MCU: variants seen among roughly 807,000 people sequenced by gnomAD.
MCU encodes the protein mitochondrial calcium uniporter.
Under a neutral mutation model 45.2 loss-of-function variants are expected in MCU, and 12 were observed. That is an observed-to-expected ratio of 0.27 (90% CI 0.17 to 0.43). The LOEUF is 0.43. MCU is among the 20% of genes least tolerant of loss of function. The pLI is 1.00. For synonymous variants in MCU, 160 were observed against 165.1 expected (o/e 0.97, Z 0.24); for missense variants, 324 against 436.7 (o/e 0.74, Z 2.30).
At chr10:72,821,957 T>TA (rs1414972827) in intron 1 of MCU, among the ~76,000 whole-genome samples, 9 of 152,166 alleles carry the variant, frequency 5.9e-5, no homozygotes, top group Non-Finnish European at 1.0e-4. Context: ...CTGGAAAATC[T>TA]TCTGGTATTT....
At chr10:72,744,522 C>T (rs1393074423) in intron 1 of MCU, among the ~76,000 whole-genome samples, 8 of 152,224 alleles carry the variant, frequency 5.3e-5, no homozygotes, top group South Asian at 4.1e-4. Flanking sequence ...CCCAGCTACT[C>T]GGGAGGCTGG....
intron 4 of MCU, 88 bp from the exon 5 acceptor site, chr10:72,868,615 T>TA (rs1845494170): frequency 8.4e-7 from 1 of 1,194,976 alleles, no homozygotes; most frequent in Non-Finnish European, 1.2e-6. Context: ...GAGATACCTA[T>TA]AATGGATGAA....
chr10:72,751,563 C>T (rs150220458), intron 1 of MCU, among the ~76,000 whole-genome samples: 1 of 151,532 alleles, frequency 6.6e-6, no homozygotes, highest in Admixed American at 6.6e-5. Context: ...ACCATGTTGG[C>T]CAGGCTGGTC....
chr10:72,873,025 T>G (rs1255141625), intron 6 of MCU, among the ~76,000 whole-genome samples: 1 of 140,206 alleles, frequency 7.1e-6, no homozygotes, highest in Non-Finnish European at 1.5e-5. Context: ...TTTTTTTTTT[T>G]TTTTTTTTTT....
chr10:72,742,397 T>C lies in MCU; in HGVS notation c.150+50096T>C, dbSNP rs572613957. Among the ~76,000 whole-genome samples the C allele has an allele frequency of 2.0e-5, 3 of 152,328 alleles. No homozygotes were observed. The South Asian group carries it at 6.2e-4, about 32-fold the overall frequency. ...CCATCTTTGTCATCATAGGGTTTTT[T>C]CAGACTTGCAATTCTATTTTATTAA... On this transcript the variant is annotated intron_variant, in intron 1 of 7. Coordinates refer to ENST00000373053, the MANE Select transcript of MCU (RefSeq NM_138357.3).
At position 72,886,120 on chromosome 10, in the gene MCU, G is replaced by T. The variant is rs1460843611; in HGVS notation, c.*298G>T. 3.8e-5 allele frequency: 9 copies of T among 237,100 alleles called. No homozygotes were observed. The Admixed American group carries it at 4.4e-4, about 12-fold the overall frequency. 14.7% of individuals were successfully genotyped at this position (237,100 alleles called of 1,614,324 possible). On this transcript the variant is annotated 3_prime_UTR_variant, in exon 8 of 8. Transcript: ENST00000373053. ...TCATAAAGAGAAAACAATGCTGGGG[G>T]TGTTCGTTTCTTGCATCTTCTTTGC...
intron 1 of MCU, among the ~76,000 whole-genome samples, chr10:72,728,302 T>A (rs979206946): frequency 6.6e-6 from 1 of 152,164 alleles, no homozygotes; most frequent in African/African-American, 2.4e-5. Context: ...CTGACTTTTA[T>A]TTTGAGGAGG....
At chr10:72,882,435 T>C (rs1015747327) in intron 6 of MCU, among the ~76,000 whole-genome samples, 2 of 152,198 alleles carry the variant, frequency 1.3e-5, no homozygotes, top group Non-Finnish European at 2.9e-5. Context: ...TGAATTCTTT[T>C]TCTCAGCAAG....
intron 1 of MCU, among the ~76,000 whole-genome samples, chr10:72,711,448 T>C (rs1047045302): frequency 1.3e-5 from 2 of 151,730 alleles, no homozygotes; most frequent in Non-Finnish European, 2.9e-5. Flanking sequence ...CTTGAACTCC[T>C]GACCTCAAGT....
At chr10:72,806,753 GA>G (rs1479236626) in intron 1 of MCU, among the ~76,000 whole-genome samples, 48 of 152,232 alleles carry the variant, frequency 3.2e-4, no homozygotes, top group African/African-American at 1.1e-3. Context: ...AATGGAAAGA[GA>G]GGACCTTTTT....
chr10:72,805,099 TTCTC>T (rs776609775), intron 1 of MCU, among the ~76,000 whole-genome samples: 1 of 57,066 alleles, frequency 1.8e-5, no homozygotes, highest in African/African-American at 6.8e-5. Flanking sequence ...CTTTCTTTCT[TTCTC>T]TTTCTTTCTT....
intron 1 of MCU, among the ~76,000 whole-genome samples, chr10:72,832,915 TTTTTTGA>T (rs1844899118): frequency 6.6e-6 from 1 of 151,434 alleles, no homozygotes; most frequent in Admixed American, 6.6e-5. Flanking sequence ...CATGATACTG[TTTTTTGA>T]AACCAATAGC....
intron 1 of MCU, among the ~76,000 whole-genome samples, chr10:72,744,255 T>C (rs1843379120): frequency 6.6e-6 from 1 of 151,830 alleles, no homozygotes; most frequent in African/African-American, 2.4e-5. Flanking sequence ...TTTAAAGATT[T>C]TTGGGTGCGT....
chr10:72,741,943 G>A (rs1843338280), intron 1 of MCU, among the ~76,000 whole-genome samples: 1 of 149,840 alleles, frequency 6.7e-6, no homozygotes, highest in South Asian at 2.1e-4. Flanking sequence ...CAGGAGAATG[G>A]CGTGAACCCG....
At chr10:72,775,956 G>A (rs985945077) in intron 1 of MCU, among the ~76,000 whole-genome samples, 2 of 152,170 alleles carry the variant, frequency 1.3e-5, no homozygotes, top group East Asian at 1.9e-4. Context: ...CCTGAGACTC[G>A]GAATTTGAGA....
intron 7 of MCU, among the ~76,000 whole-genome samples, 172 bp from the exon 8 acceptor site, chr10:72,885,573 G>A (rs1845763132): frequency 6.6e-6 from 1 of 152,300 alleles, no homozygotes; most frequent in African/African-American, 2.4e-5. Context: ...ACCCTTTGTT[G>A]TCCTATGCCG....
intron 1 of MCU, among the ~76,000 whole-genome samples, chr10:72,750,180 C>T (rs1313030260): frequency 6.6e-6 from 1 of 152,046 alleles, no homozygotes; most frequent in African/African-American, 2.4e-5. Flanking sequence ...GTGAGGTCTC[C>T]TTCATCTCAG....
intron 1 of MCU, among the ~76,000 whole-genome samples, chr10:72,729,854 C>T (rs190331777): frequency 1.3e-5 from 2 of 152,208 alleles, no homozygotes; most frequent in East Asian, 1.9e-4. Context: ...AGTAGCACTT[C>T]CCTCCCTAGC....
chr10:72,833,113 A>C (rs1844904145), intron 1 of MCU, among the ~76,000 whole-genome samples: 1 of 152,212 alleles, frequency 6.6e-6, no homozygotes, highest in African/African-American at 2.4e-5. Context: ...CTACTAGAGC[A>C]TGAACAGAAT....
Sources: gnomAD v4.1 joint callset for allele counts (sites outside exome capture counted in the v4.1 genomes callset) on GRCh38, gnomAD v4.1.1 for gene constraint, MANE v1.5 for transcripts, NCBI Gene and HGNC (gene_info 2026-07-23, HGNC 2026-07-21) for gene names.